The following ENOX2 variants were observed in gnomAD, a reference collection of about 807,000 sequenced individuals.
The protein encoded by ENOX2 is ecto-NOX disulfide-thiol exchanger 2, also known as APK1 antigen.
Under a neutral mutation model 45.0 loss-of-function variants are expected in ENOX2, and 36 were observed. That is an observed-to-expected ratio of 0.80 (90% CI 0.61 to 1.06). The LOEUF (loss-of-function observed/expected upper bound fraction) is 1.06, where lower values mean the gene tolerates loss of function less well. Ranked by LOEUF, ENOX2 falls within the 50% of genes least tolerant of loss-of-function variation. The pLI is 0.00. For missense variants in ENOX2, 423 were observed against 462.5 expected, an observed-to-expected ratio of 0.91 and a Z score of 0.78; for synonymous variants, 174 against 152.3, an observed-to-expected ratio of 1.14 and a Z score of -1.05.
At chrX:130,750,853 C>T (rs921793082) in intron 3 of ENOX2, among the ~76,000 whole-genome samples, 2 of 111,415 alleles carry the variant, frequency 1.8e-5, no homozygotes, top group African/African-American at 6.5e-5. Context: ...TCTACCTGTT[C>T]TGTCTCTTTG....
intron 2 of ENOX2, among the ~76,000 whole-genome samples, chrX:130,897,428 G>C (rs2079075875): frequency 1.8e-5 from 2 of 112,212 alleles, no homozygotes. Context: ...AGAAAACAGA[G>C]TTATGGCAGG....
intron 3 of ENOX2, among the ~76,000 whole-genome samples, chrX:130,727,806 C>A (rs1056732609): frequency 1.8e-5 from 2 of 111,801 alleles, no homozygotes; most frequent in African/African-American, 6.5e-5. Flanking sequence ...TCTATCCCCT[C>A]ATCTCCAAAT....
intron 2 of ENOX2, among the ~76,000 whole-genome samples, chrX:130,796,266 G>A (rs979100863): frequency 9.0e-6 from 1 of 111,581 alleles, no homozygotes; most frequent in Admixed American, 9.5e-5. Flanking sequence ...TTGAGGAGAA[G>A]AGAGGAGTCT....
intron 4 of ENOX2, among the ~76,000 whole-genome samples, chrX:130,692,581 T>C (rs919451093): frequency 1.5e-4 from 14 of 96,461 alleles, no homozygotes; most frequent in African/African-American, 4.9e-4. Context: ...TCTCTCTCTG[T>C]TTTTTTTTTT....
chrX:130,639,199 G>A (rs1160188209), intron 10 of ENOX2, among the ~76,000 whole-genome samples: 1 of 111,557 alleles, frequency 9.0e-6, no homozygotes, highest in South Asian at 3.8e-4. Flanking sequence ...GCCTGCCCTC[G>A]GGAAAATCTA....
At chrX:130,749,739 G>A (rs1209907720) in intron 3 of ENOX2, among the ~76,000 whole-genome samples, 2 of 110,916 alleles carry the variant, frequency 1.8e-5, no homozygotes, top group African/African-American at 6.6e-5. Flanking sequence ...AGTAGTGATG[G>A]TGGGGCCTTT....
chrX:130,636,247 A>G (rs927935749), intron 11 of ENOX2, among the ~76,000 whole-genome samples: 1 of 112,451 alleles, frequency 8.9e-6, no homozygotes. Context: ...TACTTCACAC[A>G]TTTTGTTAAC....
chrX:130,644,519 A>G (rs779846797), intron 10 of ENOX2, among the ~76,000 whole-genome samples: 4 of 111,795 alleles, frequency 3.6e-5, no homozygotes, highest in Non-Finnish European at 7.5e-5. Flanking sequence ...ATGGATAAAT[A>G]AACTATGGTA....
chrX:130,643,647 TA>T (rs1365534033), intron 10 of ENOX2, among the ~76,000 whole-genome samples: 1 of 111,970 alleles, frequency 8.9e-6, no homozygotes, highest in African/African-American at 3.2e-5. Flanking sequence ...GACATACCAA[TA>T]CTGTTTGTGA....
At position 130,682,880 on chromosome X, in the gene ENOX2, G is replaced by A. The variant is rs149261976; in HGVS notation, c.254-3132C>T. ...AATTAACAGCTCAAAGCACTTTGTC[G>A]TCTGGGCCTGATTTTCTAATCCCAC... On this transcript the variant is annotated intron_variant, in intron 5 of 14. Transcript: ENST00000394363. 6.7e-3 allele frequency among the ~76,000 whole-genome samples: 742 copies of A among 111,286 alleles called. 9 individuals carry two copies. The highest frequency in any genetic ancestry group is 0.023 in the African/African-American group (698 of 30,589).
chrX:130,724,078 CTATT>C (rs1166036719), intron 3 of ENOX2, among the ~76,000 whole-genome samples: 1 of 112,193 alleles, frequency 8.9e-6, no homozygotes, highest in Non-Finnish European at 1.9e-5. Context: ...GCAGTTCACA[CTATT>C]TGTTGGTATT....
intron 3 of ENOX2, among the ~76,000 whole-genome samples, chrX:130,737,166 A>AG (rs1440967718): frequency 1.8e-5 from 2 of 112,286 alleles, no homozygotes; most frequent in Non-Finnish European, 3.7e-5. Context: ...AGCTTAATTT[A>AG]GGAGTCTGAA....
chrX:130,815,894 A>G lies in ENOX2; in HGVS notation c.-182-32204T>C, dbSNP rs767282097. On this transcript the variant is annotated intron_variant, in intron 2 of 14. Coordinates refer to ENST00000394363, the MANE Select transcript of ENOX2 (RefSeq NM_006375.4). ...CATGACAGGATCAAATTCACACATAACAATATTAACCTTAAATATAAATGG... is the reference window on the plus strand; with the variant it reads ...CATGACAGGATCAAATTCACACATAGCAATATTAACCTTAAATATAAATGG... Among the ~76,000 whole-genome samples the G allele has an allele frequency of 6.3e-5, 7 of 111,659 alleles. No individual in the cohort carries two copies. The East Asian group carries it at 1.7e-3, about 27-fold the overall frequency.
chrX:130,674,480 A>C (rs918964168), intron 6 of ENOX2, among the ~76,000 whole-genome samples: 2 of 111,209 alleles, frequency 1.8e-5, no homozygotes, highest in African/African-American at 6.5e-5. Context: ...AAATTAAATA[A>C]GGGGAGAAAA....
intron 3 of ENOX2, among the ~76,000 whole-genome samples, chrX:130,733,519 G>A (rs1179914602): frequency 8.9e-6 from 1 of 112,034 alleles, no homozygotes. Flanking sequence ...GTACATAAAT[G>A]TATATAACTT....
At chrX:130,853,876 G>A (rs2078262515) in intron 2 of ENOX2, among the ~76,000 whole-genome samples, 1 of 111,586 alleles carries the variant, frequency 9.0e-6, no homozygotes, top group Non-Finnish European at 1.9e-5. Context: ...TGGAGGCTGA[G>A]TGGAGAGTCT....
chrX:130,763,530 G>A (rs923795444), intron 3 of ENOX2, among the ~76,000 whole-genome samples: 1 of 110,564 alleles, frequency 9.0e-6, no homozygotes, highest in African/African-American at 3.3e-5. Flanking sequence ...TCCTGTTACA[G>A]TGGGATAGGA....
rs138224031 is a variant in ENOX2, at chrX:130,883,452, G to A, written c.-183+18232C>T. Among the ~76,000 whole-genome samples, 5 of 111,153 alleles carry A rather than the reference G, an allele frequency of 4.5e-5. No individual in the cohort carries two copies. In the East Asian group the frequency reaches 1.4e-3, roughly 31 times the overall value. On this transcript the variant is annotated intron_variant, in intron 2 of 14. Coordinates refer to ENST00000394363, the MANE Select transcript of ENOX2 (RefSeq NM_006375.4). ...TATTATTGTGTTTATATATGGCTGG[G>A]GAGACACACACTCAACTGTACTATG...
intron 9 of ENOX2, among the ~76,000 whole-genome samples, chrX:130,664,187 A>G (rs543320684): frequency 5.7e-4 from 64 of 112,254 alleles, no homozygotes; most frequent in South Asian, 1.9e-3. Flanking sequence ...CTCAGATACT[A>G]TCAGTTTATA....
Sources: allele counts gnomAD v4.1 joint callset (sites outside exome capture counted in the v4.1 genomes callset), GRCh38; gene constraint gnomAD v4.1.1; transcripts MANE v1.5; gene names NCBI Gene and HGNC (gene_info 2026-07-23, HGNC 2026-07-21).